CCDC171: variants seen among roughly 807,000 people sequenced by gnomAD.
CCDC171 encodes the protein coiled-coil domain-containing protein 171.
Under a neutral mutation model 168.2 loss-of-function variants are expected in CCDC171, and 177 were observed. The ratio of observed to expected loss-of-function variants is 1.05; its 90% CI spans 0.93 to 1.19. The LOEUF (loss-of-function observed/expected upper bound fraction) is 1.19, where lower values mean the gene tolerates loss of function less well. CCDC171 is among the 50% of genes most tolerant of loss of function. The pLI, the probability that CCDC171 is intolerant of heterozygous loss-of-function variation, is 0.00. For synonymous variants in CCDC171, 687 were observed against 540.8 expected (o/e 1.27, Z -3.75); for missense variants, 1,991 against 1,539.0 (o/e 1.29, Z -4.91).
At chr9:16,049,111 G>T (rs1430882719) in intron 1 of CCDC171, among the ~76,000 whole-genome samples, 2 of 152,188 alleles carry the variant, frequency 1.3e-5, no homozygotes, top group Non-Finnish European at 2.9e-5. Context: ...AATCCTGAAT[G>T]TTGAAATCCT....
At chr9:15,879,193 A>T (rs2794630) in intron 24 of CCDC171, among the ~76,000 whole-genome samples, 12,278 of 151,844 alleles carry the variant, frequency 0.081, 1,214 homozygotes, top group African/African-American at 0.23. Flanking sequence ...TATATTCTTC[A>T]AGTTATTTTT....
At chr9:15,575,987 G>A (rs1587079144) in intron 3 of CCDC171, among the ~76,000 whole-genome samples, 1 of 151,994 alleles carries the variant, frequency 6.6e-6, no homozygotes, top group East Asian at 1.9e-4. Flanking sequence ...AGCTACTTGG[G>A]TGGCTGAGGT....
At position 15,744,298 on chromosome 9, in the gene CCDC171, AC is replaced by A; in HGVS notation, c.2076del (p.Asn692LysfsTer5). 6.3e-7 allele frequency: 1 copy of A among 1,585,642 alleles called. No homozygotes were observed. Among genetic ancestry groups the A allele is most frequent in the Non-Finnish European group, 8.5e-7 (1 of 1,169,888 alleles). ...AQKFQEIAEK[N>X]MEKLNHIEKS... Reference sequence around the variant, plus strand: ...AAATTTCAAGAAATTGCTGAAAAAAACATGGAAAAATTGAACCATATTGAGA... The same window carrying A: ...AAATTTCAAGAAATTGCTGAAAAAAAATGGAAAAATTGAACCATATTGAGA... On this transcript the variant is annotated frameshift_variant, in exon 17 of 26. Transcript: ENST00000380701. LOFTEE classifies it high-confidence loss of function.
chr9:15,987,173 A>G (rs1265098476), intron 3 of CCDC171, among the ~76,000 whole-genome samples: 1 of 152,216 alleles, frequency 6.6e-6, no homozygotes, highest in Non-Finnish European at 1.5e-5. Context: ...TATACAGAAA[A>G]CACCACTAGC....
chr9:16,069,554 CT>C, the CCDC171 span, among the ~76,000 whole-genome samples: 1 of 152,240 alleles, frequency 6.6e-6, no homozygotes, highest in Non-Finnish European at 1.5e-5. Context: ...TTGGCTAACG[CT>C]CGGGGCACCG....
intron 3 of CCDC171, among the ~76,000 whole-genome samples, chr9:16,002,341 C>G (rs1055252625): frequency 7.9e-5 from 12 of 151,950 alleles, no homozygotes; most frequent in Non-Finnish European, 7.4e-5. Context: ...TACTGATGAT[C>G]TTCACCCTGT....
At chr9:15,990,392 A>G (rs1407628757) in intron 3 of CCDC171, among the ~76,000 whole-genome samples, 1 of 152,224 alleles carries the variant, frequency 6.6e-6, no homozygotes, top group African/African-American at 2.4e-5. Flanking sequence ...TTTTGTCACC[A>G]TCAAGCCTGC....
At chr9:15,856,825 G>A (rs2061364140) in intron 23 of CCDC171, among the ~76,000 whole-genome samples, 1 of 151,894 alleles carries the variant, frequency 6.6e-6, no homozygotes, top group African/African-American at 2.4e-5. Flanking sequence ...TTCCTTTGCT[G>A]TTGTGTACAT....
intron 3 of CCDC171, among the ~76,000 whole-genome samples, chr9:15,987,858 T>C (rs1321880730): frequency 6.6e-6 from 1 of 152,204 alleles, no homozygotes; most frequent in Admixed American, 6.5e-5. Flanking sequence ...ATATATACCT[T>C]ATACACACGG....
At chr9:15,818,101 C>T (rs1470520668) in intron 21 of CCDC171, among the ~76,000 whole-genome samples, 2 of 117,718 alleles carry the variant, frequency 1.7e-5, no homozygotes, top group South Asian at 2.8e-4. Flanking sequence ...AGTGGACCTC[C>T]AGTAAACCCC....
At chr9:15,864,879 A>G (rs548334959) in intron 23 of CCDC171, among the ~76,000 whole-genome samples, 1 of 152,176 alleles carries the variant, frequency 6.6e-6, no homozygotes, top group Non-Finnish European at 1.5e-5. Context: ...TTGTTGTTGG[A>G]TGAGTAGAAT....
At chr9:15,901,381 G>C (rs926598072) in intron 24 of CCDC171, among the ~76,000 whole-genome samples, 4 of 152,076 alleles carry the variant, frequency 2.6e-5, no homozygotes, top group Admixed American at 2.0e-4. Context: ...CATTTTTGTT[G>C]CAATAAATGT....
chr9:16,078,889 G>C, the CCDC171 span, among the ~76,000 whole-genome samples: 1 of 152,142 alleles, frequency 6.6e-6, no homozygotes, highest in African/African-American at 2.4e-5. Context: ...TGGGTGTTTT[G>C]TACTTGTGGA....
At chr9:15,576,765 A>G (rs1294308236) in intron 3 of CCDC171, among the ~76,000 whole-genome samples, 1 of 152,220 alleles carries the variant, frequency 6.6e-6, no homozygotes, top group African/African-American at 2.4e-5. Flanking sequence ...CAGATTAGCA[A>G]GAGCTTTCAG....
In CCDC171 at chr9:15,570,482, T is replaced by C. The variant is rs193250574; in HGVS notation, c.42-1142T>C. Among the ~76,000 whole-genome samples, 427 of 152,314 alleles carry C rather than the reference T, an allele frequency of 2.8e-3. 2 individuals carry two copies. The highest frequency in any genetic ancestry group is 4.7e-3 in the Admixed American group (72 of 15,296). On this transcript the variant is annotated intron_variant, in intron 2 of 25. Coordinates refer to ENST00000380701, the MANE Select transcript of CCDC171 (RefSeq NM_173550.4). ...CCATATTTTTGGTCTCTGCTTATCA[T>C]ATTAGATGCTTATTAAACTTTTGGT...
chr9:15,759,386 T>C (rs2056322370), intron 18 of CCDC171, among the ~76,000 whole-genome samples: 1 of 152,188 alleles, frequency 6.6e-6, no homozygotes, highest in African/African-American at 2.4e-5. Context: ...GCATTCTGGT[T>C]ATTCTCCTGT....
At chr9:15,983,480 T>G (rs985477006) in intron 3 of CCDC171, among the ~76,000 whole-genome samples, 96 of 144,114 alleles carry the variant, frequency 6.7e-4, no homozygotes, top group Admixed American at 2.1e-3. Flanking sequence ...TTGTGATCAG[T>G]TGTGTGTGTG....
chr9:15,715,513 A>T (rs1254000028), intron 11 of CCDC171, among the ~76,000 whole-genome samples: 2 of 152,220 alleles, frequency 1.3e-5, no homozygotes, highest in African/African-American at 2.4e-5. Flanking sequence ...AACAAAACTC[A>T]TTTGAACATT....
intron 1 of CCDC171, among the ~76,000 whole-genome samples, chr9:16,060,023 A>T (rs972430389): frequency 6.6e-6 from 1 of 152,192 alleles, no homozygotes; most frequent in Admixed American, 6.5e-5. Context: ...AACTGGAAAA[A>T]CAAATAAAAA....
Sources: allele counts gnomAD v4.1 joint callset (sites outside exome capture counted in the v4.1 genomes callset), GRCh38; gene constraint gnomAD v4.1.1; transcripts MANE v1.5; gene names NCBI Gene and HGNC (gene_info 2026-07-23, HGNC 2026-07-21).